Variants in PAPPA observed in about 807,000 individuals in gnomAD.
PAPPA encodes pappalysin 1.
PAPPA carries 60 observed loss-of-function variants against 164.0 expected under a neutral mutation model. That is an observed-to-expected ratio of 0.37 (90% CI 0.30 to 0.45). The LOEUF is 0.45. Among genes scored for constraint, PAPPA ranks in the 20% least tolerant of loss-of-function variants. The pLI is 1.00. For missense variants in PAPPA, 1,782 were observed against 2,087.3 expected (o/e 0.85, Z 2.85); for synonymous variants, 875 against 814.1 (o/e 1.07, Z -1.27).
chr9:116,280,894 TC>T (rs1845257972), intron 9 of PAPPA, among the ~76,000 whole-genome samples: 1 of 152,220 alleles, frequency 6.6e-6, no homozygotes, highest in South Asian at 2.1e-4. Context: ...TACCATCTGG[TC>T]CTTTACTGAA....
rs563327506 is a variant in PAPPA at position 116,377,425 on chromosome 9, G to A, written c.4606-151G>A. 169 of 601,672 alleles carry A rather than the reference G, an allele frequency of 2.8e-4. No individual in the cohort carries two copies. The African/African-American group carries it at 2.9e-3, about 10-fold the overall frequency. The allele number at this position is 601,672 out of a possible 1,614,324, so 37.3% of individuals were successfully genotyped here. On this transcript the variant is annotated intron_variant, in intron 19 of 21. Transcript: ENST00000328252. The stretch of plus-strand genomic sequence containing the variant: ...AATCTTGTGGCTCCTGTTATTGCAA[G>A]TACCCGGGCAAGTTCTCCATGTAAA...
intron 19 of PAPPA, among the ~76,000 whole-genome samples, chr9:116,369,239 C>G (rs1032431748): frequency 6.6e-6 from 1 of 152,124 alleles, no homozygotes; most frequent in Non-Finnish European, 1.5e-5. Context: ...TTTCCTCCAC[C>G]ATTCCTGAAC....
At position 116,302,773 on chromosome 9, in the gene PAPPA, C is replaced by T; in HGVS notation, c.2970C>T (p.Cys990=). The change falls in exon 10 of 22, where the codon TGC becomes TGT. Residue 990 remains cysteine (C), a synonymous_variant. Coordinates refer to ENST00000328252, the MANE Select transcript of PAPPA (RefSeq NM_002581.5). ...CTTTTGCAGATGAACCCAGCCGGTG[C>T]TATTTCCATGATGGTGATGGGGTAT... ...SFNCIDEPSR[C]YFHDGDGVCE... 1 of 1,612,268 alleles carries T rather than the reference C, an allele frequency of 6.2e-7. No individual in the cohort carries two copies. Among genetic ancestry groups the T allele is most frequent in the Non-Finnish European group, 8.5e-7 (1 of 1,178,674 alleles).
At chr9:116,193,542 G>A (rs982441181) in intron 2 of PAPPA, among the ~76,000 whole-genome samples, 15 of 152,102 alleles carry the variant, frequency 9.9e-5, no homozygotes, top group African/African-American at 3.4e-4. Context: ...CCATTGAGAG[G>A]GGGGCTGAGC....
chr9:116,245,010 C>A (rs1263441599), intron 7 of PAPPA, among the ~76,000 whole-genome samples: 2 of 152,226 alleles, frequency 1.3e-5, no homozygotes, highest in East Asian at 1.9e-4. Context: ...TCGTTTGAAG[C>A]AGCATGGGTG....
chr9:116,328,382 C>G (rs1258403329), intron 10 of PAPPA, among the ~76,000 whole-genome samples: 1 of 152,152 alleles, frequency 6.6e-6, no homozygotes, highest in Non-Finnish European at 1.5e-5. Context: ...GTCTTCCAGC[C>G]CATTTAAGTG....
Position 116,154,306 on chromosome 9 carries a change from C to G in PAPPA, c.134C>G (p.Ala45Gly). ...GRPPRPAAGP[A>G]TCATRAARGR... Reference sequence around the variant, plus strand: ...CCCCCGCGCCCCGCCGCCGGCCCGGCCACCTGCGCCACCCGGGCGGCCCGC... The same window carrying G: ...CCCCCGCGCCCCGCCGCCGGCCCGGGCACCTGCGCCACCCGGGCGGCCCGC... Residue 45 changes from alanine (A) to glycine (G), a missense_variant, in exon 1 of 22, where the codon GCC (alanine) becomes GGC (glycine). Physicochemically the swap from Ala to Gly is moderately conservative, Grantham distance 60. Around this residue, in one of 2 missense-constraint regions of PAPPA, gnomAD observed 458 missense variants for 430.3 expected, o/e 1.06. Coordinates refer to ENST00000328252, the MANE Select transcript of PAPPA (RefSeq NM_002581.5). The surrounding 1 kb of genome is among the most constrained non-coding windows in gnomAD (Gnocchi z 5.2). The G allele has an allele frequency of 4.4e-6, 4 of 907,076 alleles. No homozygotes were observed. The highest frequency in any genetic ancestry group is 5.3e-6 in the Non-Finnish European group (4 of 761,552). The allele number at this position is 907,076 out of a possible 1,614,324, so 56.2% of individuals were successfully genotyped here.
Position 116,398,651 on chromosome 9 carries a change from TACGG to T in PAPPA, c.*2037_*2040del, listed in dbSNP as rs1847002057. The T allele has an allele frequency of 1.1e-5, 7 of 630,416 alleles. No individual in the cohort carries two copies. Among genetic ancestry groups the T allele is most frequent in the Non-Finnish European group, 1.8e-5 (7 of 386,396 alleles). 39.1% of individuals were successfully genotyped at this position (630,416 alleles called of 1,614,324 possible). On this transcript the variant is annotated 3_prime_UTR_variant, in exon 22 of 22. Transcript: ENST00000328252. The stretch of plus-strand genomic sequence containing the variant: ...TGCTTTTGGCACAGGTGCCCACAAA[TACGG>T]ATGCAGTGCTGAGATAGTTTATGAG...
chr9:116,199,666 C>A (rs1161015201), intron 2 of PAPPA, among the ~76,000 whole-genome samples: 1 of 152,090 alleles, frequency 6.6e-6, no homozygotes, highest in Non-Finnish European at 1.5e-5. Context: ...CAAGACCCTT[C>A]CTGATTGTCT....
intron 9 of PAPPA, among the ~76,000 whole-genome samples, chr9:116,279,672 G>C (rs1845244364): frequency 1.3e-5 from 2 of 152,116 alleles, no homozygotes; most frequent in Admixed American, 1.3e-4. Flanking sequence ...GGTGAATCTG[G>C]GTAGCCAAGA....
At chr9:116,306,002 C>T (rs1564218180) in intron 10 of PAPPA, among the ~76,000 whole-genome samples, 1 of 152,124 alleles carries the variant, frequency 6.6e-6, no homozygotes, top group Non-Finnish European at 1.5e-5. Flanking sequence ...TCCATGATGC[C>T]CTGGAGTTCC....
intron 10 of PAPPA, among the ~76,000 whole-genome samples, chr9:116,314,051 G>T (rs1478248463): frequency 7.4e-6 from 1 of 135,586 alleles, no homozygotes; most frequent in Non-Finnish European, 1.6e-5. Flanking sequence ...TTCTGTCATT[G>T]CATCGAATCT....
Position 116,187,854 on chromosome 9 carries a change from C to T in PAPPA, c.1116C>T (p.Arg372=), listed in dbSNP as rs201148082. Residue 372 remains arginine, a synonymous_variant, in exon 2 of 22, where the codon CGC becomes CGT. Coordinates refer to ENST00000328252, the MANE Select transcript of PAPPA (RefSeq NM_002581.5). This position sits in a 1 kb window ranked among gnomAD's most constrained non-coding sequence, Gnocchi z 4.2. The stretch of plus-strand genomic sequence containing the variant: ...ATCATAAGAACCCGACGGTGACGCG[C>T]GAGCAGGTGGACTTCCAGCACCATC... ...EDDHKNPTVT[R]EQVDFQHHQL... is the part of the protein sequence containing the mutation. The T allele has an allele frequency of 3.5e-4, 565 of 1,614,186 alleles. 2 individuals are homozygous for T. Among genetic ancestry groups the T allele is most frequent in the South Asian group, 2.8e-3 (251 of 91,090 alleles).
chr9:116,335,375 A>T (rs1846048694), intron 13 of PAPPA, among the ~76,000 whole-genome samples: 2 of 152,134 alleles, frequency 1.3e-5, no homozygotes, highest in Admixed American at 6.5e-5. Context: ...TCTGAGCTTC[A>T]GTGTCCTCAT....
intron 12 of PAPPA, among the ~76,000 whole-genome samples, chr9:116,333,370 C>A (rs943889685): frequency 6.6e-6 from 1 of 152,160 alleles, no homozygotes; most frequent in African/African-American, 2.4e-5. Context: ...TTCCTATTGT[C>A]GCTAAGAATT....
At chr9:116,269,569 G>A (rs886767674) in intron 8 of PAPPA, among the ~76,000 whole-genome samples, 1 of 152,218 alleles carries the variant, frequency 6.6e-6, no homozygotes, top group Non-Finnish European at 1.5e-5. Flanking sequence ...CACAGAGAAA[G>A]ATGGCCACCC....
intron 9 of PAPPA, among the ~76,000 whole-genome samples, chr9:116,290,349 G>A (rs1292479905): frequency 1.4e-5 from 2 of 139,284 alleles, no homozygotes; most frequent in Admixed American, 7.8e-5. Context: ...TCATTTTGCT[G>A]ATCATGTTTC....
At chr9:116,260,994 C>G (rs1390656190) in intron 7 of PAPPA, among the ~76,000 whole-genome samples, 1 of 152,186 alleles carries the variant, frequency 6.6e-6, no homozygotes. Flanking sequence ...AAAGCACTGT[C>G]TTGGAATGGA....
intron 10 of PAPPA, among the ~76,000 whole-genome samples, chr9:116,313,833 G>C (rs1200058862): frequency 6.6e-6 from 1 of 151,992 alleles, no homozygotes; most frequent in Non-Finnish European, 1.5e-5. Flanking sequence ...TTCCCCTACT[G>C]GACAGAGCAG....
Sources: allele counts gnomAD v4.1 joint callset (sites outside exome capture counted in the v4.1 genomes callset), GRCh38; gene constraint gnomAD v4.1.1; regional missense constraint gnomAD v4.1.1; non-coding constraint Gnocchi (gnomAD v3.1); transcripts MANE v1.5; gene names NCBI Gene and HGNC (gene_info 2026-07-23, HGNC 2026-07-21).